SORBS2: variants seen among roughly 807,000 people sequenced by gnomAD.
SORBS2 encodes sorbin and SH3 domain-containing protein 2.
Under a neutral mutation model 97.7 loss-of-function variants are expected in SORBS2, and 46 were observed. That is an observed-to-expected ratio of 0.47 (90% CI 0.37 to 0.60). The LOEUF (loss-of-function observed/expected upper bound fraction) is 0.60. Ranked by LOEUF, SORBS2 falls within the 20% of genes least tolerant of loss-of-function variation. The probability of loss-of-function intolerance (pLI) is 0.00; values close to 1 mark genes in which losing one functional copy is unlikely to be tolerated. For synonymous variants in SORBS2, 476 were observed against 473.4 expected (o/e 1.01, Z -0.07); for missense variants, 1,316 against 1,282.3 (o/e 1.03, Z -0.40).
chr4:185,828,496 A>G (rs1275656789), intron 1 of SORBS2, among the ~76,000 whole-genome samples: 3 of 152,074 alleles, frequency 2.0e-5, no homozygotes, highest in Admixed American at 2.0e-4. Context: ...CATGGGCTTG[A>G]AATGGCCTTC....
At chr4:185,947,661 G>A (rs1343210765) in intron 1 of SORBS2, among the ~76,000 whole-genome samples, 2 of 152,098 alleles carry the variant, frequency 1.3e-5, no homozygotes, top group South Asian at 2.1e-4. Flanking sequence ...GCCCAGGCTG[G>A]AGTGCAATGG....
intron 4 of SORBS2, among the ~76,000 whole-genome samples, chr4:185,674,746 T>C (rs2097768609): frequency 6.6e-6 from 1 of 152,146 alleles, no homozygotes; most frequent in Non-Finnish European, 1.5e-5. Flanking sequence ...AGCCCCAGCA[T>C]GATCAACCTC....
At chr4:185,669,365 A>C (rs1205476231) in intron 4 of SORBS2, among the ~76,000 whole-genome samples, 1 of 152,188 alleles carries the variant, frequency 6.6e-6, no homozygotes, top group East Asian at 1.9e-4. Context: ...AACACGATGA[A>C]AATTAAAGCT....
Position 185,607,340 on chromosome 4 carries a change from T to C in SORBS2, c.2796+4440A>G. 1 of 1,287,318 alleles carries C rather than the reference T, an allele frequency of 7.8e-7. No individual in the cohort carries two copies. The highest frequency in any genetic ancestry group is 1.0e-6 in the Non-Finnish European group (1 of 987,586). The allele number at this position is 1,287,318 out of a possible 1,614,324, so 79.7% of individuals were successfully genotyped here. ...TGGGTGGGAGGAGGGGCTGGTTCAC[T>C]GGAAGCCAACTTGGAAATGAGCACG... On this transcript the variant is annotated intron_variant, in intron 12 of 14. Transcript: ENST00000418609. The surrounding 1 kb of genome is among the most constrained non-coding windows in gnomAD (Gnocchi z 5.2).
intron 2 of SORBS2, among the ~76,000 whole-genome samples, chr4:185,708,693 T>C (rs11723622): frequency 0.18 from 28,101 of 152,148 alleles, 2,873 homozygotes; most frequent in Non-Finnish European, 0.24. Flanking sequence ...CCCTTCCCAG[T>C]GCTTTCTTGG....
intron 1 of SORBS2, among the ~76,000 whole-genome samples, chr4:185,868,325 T>C (rs1198755239): frequency 6.6e-6 from 1 of 151,266 alleles, no homozygotes; most frequent in Admixed American, 6.6e-5. Context: ...CCCAGCTAAT[T>C]TTTTGTATTT....
intron 1 of SORBS2, among the ~76,000 whole-genome samples, chr4:185,884,361 T>C (rs1561266677): frequency 6.6e-6 from 1 of 152,228 alleles, no homozygotes; most frequent in Non-Finnish European, 1.5e-5. Context: ...TCCTGATGTT[T>C]ATAGTAGGGT....
intron 5 of SORBS2, among the ~76,000 whole-genome samples, chr4:185,628,494 T>C (rs2096854715): frequency 6.6e-6 from 1 of 152,220 alleles, no homozygotes; most frequent in South Asian, 2.1e-4. Flanking sequence ...GGCTCACGTC[T>C]GTAATCAAGT....
Position 185,680,742 on chromosome 4 carries a change from C to T in SORBS2, c.-197-1920G>A, listed in dbSNP as rs1343934678. 1.3e-5 allele frequency among the ~76,000 whole-genome samples: 2 copies of T among 152,010 alleles called. 1 individual carries two copies. The highest frequency in any genetic ancestry group is 2.9e-5 in the Non-Finnish European group (2 of 67,968). On this transcript the variant is annotated intron_variant, in intron 2 of 20. Coordinates refer to the SORBS2 transcript ENST00000284776. Reference sequence around the variant, plus strand: ...GCTTGGAGGTGCAAGGGTGCAGGTGCGGTGAGAAAGAAGAAGGTGTACTGG... The same window carrying T: ...GCTTGGAGGTGCAAGGGTGCAGGTGTGGTGAGAAAGAAGAAGGTGTACTGG...
intron 1 of SORBS2, among the ~76,000 whole-genome samples, chr4:185,825,717 A>G (rs1225000644): frequency 6.6e-6 from 1 of 152,226 alleles, no homozygotes; most frequent in Non-Finnish European, 1.5e-5. Context: ...AGAAAACATT[A>G]TCATGATCTA....
At chr4:185,808,177 A>AATTGCT (rs977415083) in intron 1 of SORBS2, among the ~76,000 whole-genome samples, 20 of 152,324 alleles carry the variant, frequency 1.3e-4, no homozygotes, top group African/African-American at 4.1e-4. Context: ...GATAATTAAG[A>AATTGCT]ATTGCTATTT....
intron 1 of SORBS2, among the ~76,000 whole-genome samples, chr4:185,921,583 C>T (rs1478004093): frequency 2.6e-5 from 4 of 152,058 alleles, no homozygotes; most frequent in African/African-American, 9.7e-5. Context: ...ACTAGCCTGG[C>T]TGATACAACA....
chr4:185,713,638 G>A (rs192189989), intron 2 of SORBS2, among the ~76,000 whole-genome samples: 1 of 152,314 alleles, frequency 6.6e-6, no homozygotes, highest in East Asian at 1.9e-4. Flanking sequence ...ATGCAAAGAG[G>A]TAGTCAGCTT....
chr4:185,773,871 T>A (rs2098986134), intron 2 of SORBS2: 1 of 151,932 alleles, frequency 6.6e-6, no homozygotes, highest in Admixed American at 6.6e-5. Flanking sequence ...TTTTAGGAAA[T>A]ACATTTTTAA....
intron 9 of SORBS2, chr4:185,615,368 A>T (rs1264117960): frequency 2.5e-5 from 14 of 567,240 alleles, no homozygotes; most frequent in Non-Finnish European, 4.1e-5. Context: ...TTTCAAACAG[A>T]GTAAGTATAA....
At chr4:185,947,612 GTTT>G (rs58097690) in intron 1 of SORBS2, among the ~76,000 whole-genome samples, 1 of 150,700 alleles carries the variant, frequency 6.6e-6, no homozygotes, top group African/African-American at 2.4e-5. Flanking sequence ...TTTTTCTTGG[GTTT>G]TTTTTTTCTT....
intron 1 of SORBS2, among the ~76,000 whole-genome samples, chr4:185,921,273 C>A (rs181095233): frequency 6.6e-6 from 1 of 152,302 alleles, no homozygotes; most frequent in East Asian, 1.9e-4. Flanking sequence ...AACATCAATA[C>A]CGTAAGGATT....
intron 1 of SORBS2, among the ~76,000 whole-genome samples, chr4:185,839,093 C>G (rs2099209949): frequency 6.6e-6 from 1 of 152,232 alleles, no homozygotes; most frequent in South Asian, 2.1e-4. Context: ...GAACACTGCT[C>G]TTTCTCATAA....
chr4:185,743,951 C>T (rs1248315834), intron 2 of SORBS2, among the ~76,000 whole-genome samples: 1 of 146,364 alleles, frequency 6.8e-6, no homozygotes, highest in Non-Finnish European at 1.5e-5. Flanking sequence ...TCTCCTCCTC[C>T]TTCTTCTCCT....
Sources: gnomAD v4.1 joint callset for allele counts (sites outside exome capture counted in the v4.1 genomes callset) on GRCh38, gnomAD v4.1.1 for gene constraint, Gnocchi (gnomAD v3.1) non-coding constraint, MANE v1.5 for transcripts, NCBI Gene and HGNC (gene_info 2026-07-23, HGNC 2026-07-21) for gene names.